The following XIST variants were observed in gnomAD, a reference collection of about 807,000 sequenced individuals.
XIST encodes X inactive specific transcript.
exon 1 of XIST, chrX:73,842,999 G>C: frequency 1.8e-6 from 1 of 558,783 alleles, no homozygotes; most frequent in Non-Finnish European, 3.2e-6. Flanking sequence ...AATGCAAAAG[G>C]GTTGGGAGTA....
At chrX:73,822,464 C>T (rs934509887) in exon 6 of XIST, 2 of 514,610 alleles carry the variant, frequency 3.9e-6, no homozygotes, top group East Asian at 3.6e-5. Flanking sequence ...GGCCAAAAAC[C>T]TTATACCAAG....
chrX:73,830,851 G>C (rs760162863), intron 4 of XIST, among the ~76,000 whole-genome samples: 1 of 111,486 alleles, frequency 9.0e-6, no homozygotes, highest in Admixed American at 9.5e-5. Context: ...CCAAACACCC[G>C]AACACATGCA....
rs1419183546 is a variant in XIST, at chrX:73,844,850, C to T, written n.7874G>A. 8 of 545,830 alleles carry T rather than the reference C, an allele frequency of 1.5e-5. No homozygotes were observed. In the South Asian group the frequency reaches 1.8e-4, roughly 12 times the overall value. The allele number at this position is 545,830 out of a possible 1,213,427, so 45.0% of individuals were successfully genotyped here. A position where few individuals can be genotyped will look rare whatever the true frequency, so the allele number is the denominator to read the frequency against. ...TGACCAAGGTGCATGGCTGCGGTCACTTAGAATTGTGCACCTTGACTGTCC... is the reference window on the plus strand; with the variant it reads ...TGACCAAGGTGCATGGCTGCGGTCATTTAGAATTGTGCACCTTGACTGTCC... On this transcript the variant is annotated non_coding_transcript_exon_variant, in exon 1 of 6. Coordinates refer to ENST00000429829, the Ensembl canonical transcript of XIST.
chrX:73,822,718 T>C (rs774330050), exon 6 of XIST: 17 of 542,858 alleles, frequency 3.1e-5, no homozygotes, highest in Non-Finnish European at 5.3e-5. Flanking sequence ...TCAGAATAAA[T>C]GCCTTTTGGA....
rs1227893695 is a variant in XIST, at chrX:73,851,425, T to C, written n.1299A>G. On this transcript the variant is annotated non_coding_transcript_exon_variant, in exon 1 of 6. Coordinates refer to ENST00000429829, the Ensembl canonical transcript of XIST. ...CATGTCCACCACCATGCTAACCACTTAACAAAGCCTCGCCCATCATGATGT... is the reference window on the plus strand; with the variant it reads ...CATGTCCACCACCATGCTAACCACTCAACAAAGCCTCGCCCATCATGATGT... The C allele has an allele frequency of 5.4e-6, 3 of 558,755 alleles. No homozygotes were observed. In the South Asian group the frequency reaches 6.7e-5, roughly 12 times the overall value. The allele number at this position is 558,755 out of a possible 1,213,427, so 46.0% of individuals were successfully genotyped here. A position where few individuals can be genotyped will look rare whatever the true frequency, so the allele number is the denominator to read the frequency against.
At chrX:73,850,723 G>A in exon 1 of XIST, 1 of 250,426 alleles carries the variant, frequency 4.0e-6, no homozygotes. Flanking sequence ...TGGGGAGGTG[G>A]GGGGTGGGGG....
At chrX:73,834,855 T>TG (rs1265273664) in intron 2 of XIST, among the ~76,000 whole-genome samples, 3 of 25,275 alleles carry the variant, frequency 1.2e-4, no homozygotes, top group East Asian at 1.4e-3. Flanking sequence ...GGGCGGGGGG[T>TG]GGGGGGCGGG....
chrX:73,842,628 G>T lies in XIST; in HGVS notation n.10096C>A, dbSNP rs191564524. On this transcript the variant is annotated non_coding_transcript_exon_variant, in exon 1 of 6. Transcript: ENST00000429829. Reference sequence around the variant, plus strand: ...TGAAAAATGGGACAATCAGTACTGTGTTTATTAATAACACAGAAGGGGCTT... The same window carrying T: ...TGAAAAATGGGACAATCAGTACTGTTTTTATTAATAACACAGAAGGGGCTT... 4.4e-3 allele frequency: 2,475 copies of T among 556,634 alleles called. 54 individuals are homozygous for T. The Admixed American group carries it at 0.05, about 11-fold the overall frequency. 45.9% of individuals were successfully genotyped at this position (556,634 alleles called of 1,213,427 possible).
chrX:73,844,604 G>A, exon 1 of XIST: 1 of 558,117 alleles, frequency 1.8e-6, no homozygotes, highest in East Asian at 3.3e-5. Flanking sequence ...CTTATGGAGT[G>A]AGCACTCCCT....
At chrX:73,835,949 T>C (rs982740107) in intron 2 of XIST, among the ~76,000 whole-genome samples, 5 of 111,975 alleles carry the variant, frequency 4.5e-5, no homozygotes, top group Non-Finnish European at 7.5e-5. Context: ...GCACACCAAC[T>C]TTCTTGACTA....
At chrX:73,840,060 A>G (rs1922558485) in intron 1 of XIST, among the ~76,000 whole-genome samples, 1 of 111,740 alleles carries the variant, frequency 8.9e-6, no homozygotes. Context: ...AAGTTATATA[A>G]AACACATCTT....
At chrX:73,840,023 A>T (rs1922557962) in intron 1 of XIST, among the ~76,000 whole-genome samples, 1 of 111,702 alleles carries the variant, frequency 9.0e-6, no homozygotes, top group Non-Finnish European at 1.9e-5. Flanking sequence ...TTGTGAATAT[A>T]TTCTAATGGA....
At chrX:73,835,382 CTA>C (rs1364059964) in intron 2 of XIST, among the ~76,000 whole-genome samples, 1 of 112,097 alleles carries the variant, frequency 8.9e-6, no homozygotes, top group East Asian at 2.8e-4. Context: ...AATAGCATTG[CTA>C]TGTGCTATAA....
exon 1 of XIST, chrX:73,844,474 G>T (rs1173611349): frequency 1.8e-6 from 1 of 557,360 alleles, no homozygotes; most frequent in Non-Finnish European, 3.2e-6. Context: ...TGCAAAGGGG[G>T]TCTGAGAGTA....
At position 73,843,712 on chromosome X, in the gene XIST, T is replaced by C. The variant is rs372659986; in HGVS notation, n.9012A>G. Reference sequence around the variant, plus strand: ...AGAATTGAGTTTGTGCACATGAACATTCCAAGTGACAGTCTTGAGTAGTGG... The same window carrying C: ...AGAATTGAGTTTGTGCACATGAACACTCCAAGTGACAGTCTTGAGTAGTGG... On this transcript the variant is annotated non_coding_transcript_exon_variant, in exon 1 of 6. Transcript: ENST00000429829. The C allele has an allele frequency of 1.4e-5, 8 of 556,828 alleles. No homozygotes were observed. In the African/African-American group the frequency reaches 1.6e-4, roughly 11 times the overall value. 45.9% of individuals were successfully genotyped at this position (556,828 alleles called of 1,213,427 possible).
chrX:73,833,698 G>A lies in XIST; in HGVS notation n.11407-324C>T, dbSNP rs767741150. 9 of 148,062 alleles carry A rather than the reference G, an allele frequency of 6.1e-5. No individual in the cohort carries two copies. The South Asian group carries it at 2.2e-3, about 36-fold the overall frequency. 12.2% of individuals were successfully genotyped at this position (148,062 alleles called of 1,213,427 possible). A position where few individuals can be genotyped will look rare whatever the true frequency, so the allele number is the denominator to read the frequency against. On this transcript the variant is annotated intron_variant and non_coding_transcript_variant, in intron 2 of 5. Transcript: ENST00000429829. Reference sequence around the variant, plus strand: ...AAAATACTTCAAGATTCAAGGTGGTGTGGCAACTGCTACTACTGCTTAGAG... The same window carrying A: ...AAAATACTTCAAGATTCAAGGTGGTATGGCAACTGCTACTACTGCTTAGAG...
exon 1 of XIST, chrX:73,852,097 AG>A: frequency 1.9e-6 from 1 of 528,798 alleles, no homozygotes; most frequent in East Asian, 3.4e-5. Context: ...CCGATGGGCA[AG>A]GAAAAATAAA....
At chrX:73,839,959 G>A (rs1349848187) in intron 1 of XIST, among the ~76,000 whole-genome samples, 1 of 110,599 alleles carries the variant, frequency 9.0e-6, no homozygotes, top group Non-Finnish European at 1.9e-5. Context: ...ACCAATAGAA[G>A]ATTTCATAAG....
At chrX:73,821,521 T>C in exon 6 of XIST, 1 of 558,295 alleles carries the variant, frequency 1.8e-6, no homozygotes, top group Non-Finnish European at 3.2e-6. Context: ...AGCAAACTAG[T>C]GAGGACAAAG....
Sources: allele counts gnomAD v4.1 joint callset (sites outside exome capture counted in the v4.1 genomes callset), GRCh38; gene constraint gnomAD v4.1.1; transcripts MANE v1.5; gene names NCBI Gene and HGNC (gene_info 2026-07-23, HGNC 2026-07-21).